UGT2A3: variants seen among roughly 807,000 people sequenced by gnomAD.
The protein encoded by UGT2A3 is UDP-glucuronosyltransferase 2A3.
Under a neutral mutation model 44.1 loss-of-function variants are expected in UGT2A3, and 55 were observed. The ratio of observed to expected loss-of-function variants is 1.25; its 90% CI spans 1.00 to 1.56. The LOEUF is 1.56. UGT2A3 is among the 40% of genes most tolerant of loss of function. UGT2A3 has a pLI of 0.00. For synonymous variants in UGT2A3, 243 were observed against 215.1 expected (o/e 1.13, Z -1.13); for missense variants, 733 against 621.6 (o/e 1.18, Z -1.91).
chr4:68,951,421 A>G lies in UGT2A3; in HGVS notation c.340T>C (p.Phe114Leu), dbSNP rs1718587411. The G allele has an allele frequency of 6.2e-7, 1 of 1,611,606 alleles. No homozygotes were observed. Among genetic ancestry groups the G allele is most frequent in the South Asian group, 1.1e-5 (1 of 90,904 alleles). Residue 114 changes from phenylalanine (F) to leucine (L), a missense_variant, in exon 1 of 6, where the codon TTT becomes CTT. Phe to Leu is a conservative substitution (Grantham distance 22). Coordinates refer to ENST00000251566, the MANE Select transcript of UGT2A3 (RefSeq NM_024743.4). ...WQSVIKLNDFFVEIRGTLKMM... is the reference protein window; with the variant it reads ...WQSVIKLNDFLVEIRGTLKMM... ...TTTAAAGTTCCTCTTATTTCAACAAAAAAATCATTTAATTTTATAACTGAT... is the reference window on the plus strand; with the variant it reads ...TTTAAAGTTCCTCTTATTTCAACAAGAAAATCATTTAATTTTATAACTGAT...
intron 1 of UGT2A3, among the ~76,000 whole-genome samples, chr4:68,945,869 T>C (rs72849630): frequency 0.027 from 4,078 of 151,792 alleles, 202 homozygotes; most frequent in African/African-American, 0.091. Flanking sequence ...TTGCAGATGA[T>C]AAATGAGTAC....
rs146402689 is a variant in UGT2A3 at position 68,949,025 on chromosome 4, G to C, written c.715+2021C>G. On this transcript the variant is annotated intron_variant, in intron 1 of 5. Coordinates refer to ENST00000251566, the MANE Select transcript of UGT2A3 (RefSeq NM_024743.4). ...CAAGAGAAAGAAGGTGGATGTTCCT[G>C]GCTCTTTTTAATAATTATCTCTCCT... is the stretch of plus-strand genomic sequence containing the variant. 5.9e-5 allele frequency among the ~76,000 whole-genome samples: 9 copies of C among 151,794 alleles called. No individual in the cohort carries two copies. In the East Asian group the frequency reaches 1.8e-3, roughly 30 times the overall value.
chr4:68,949,273 C>T (rs900053671), intron 1 of UGT2A3, among the ~76,000 whole-genome samples: 6 of 151,772 alleles, frequency 4.0e-5, no homozygotes, highest in Admixed American at 6.6e-5. Context: ...AATTGAGAGA[C>T]CTGCTACTTT....
rs1717663106 is a variant in UGT2A3, at chr4:68,929,969, T to TTG, written c.1427_1428insCA (p.Ala477LysfsTer14). The TTG allele has an allele frequency of 6.2e-7, 1 of 1,613,574 alleles. No homozygotes were observed. The highest frequency in any genetic ancestry group is 8.5e-7 in the Non-Finnish European group (1 of 1,179,700). ...GGAACCAGGTGAGGTCATGGGCAGC[T>TTG]GATCGCAGGTGCTTGGCTCCTTTGT... is the stretch of plus-strand genomic sequence containing the variant. On this transcript the variant is annotated frameshift_variant, in exon 6 of 6. Coordinates refer to ENST00000251566, the MANE Select transcript of UGT2A3 (RefSeq NM_024743.4). LOFTEE classifies it low-confidence loss of function (END_TRUNC).
At chr4:68,937,940 C>G (rs2109784583) in intron 2 of UGT2A3, among the ~76,000 whole-genome samples, 1 of 152,192 alleles carries the variant, frequency 6.6e-6, no homozygotes, top group Admixed American at 6.5e-5. Flanking sequence ...CACCTGTATG[C>G]AAATAAACTA....
intron 1 of UGT2A3, among the ~76,000 whole-genome samples, chr4:68,950,087 C>G (rs1264576980): frequency 6.6e-6 from 1 of 151,758 alleles, no homozygotes; most frequent in Non-Finnish European, 1.5e-5. Context: ...ATAGCTGTAC[C>G]CCTTTAAATT....
At position 68,936,329 on chromosome 4, in the gene UGT2A3, G is replaced by A. The variant is rs560552979; in HGVS notation, c.865-3570C>T. 3.0e-4 allele frequency among the ~76,000 whole-genome samples: 46 copies of A among 152,118 alleles called. 1 individual carries two copies. The highest frequency in any genetic ancestry group is 2.5e-3 in the Admixed American group (38 of 15,276). ...AGCCAGAGAGAAAGGTCAGGTTACC[G>A]ACAAAGGAAAGCCCATCAGACAAAC... On this transcript the variant is annotated intron_variant, in intron 2 of 5. Coordinates refer to ENST00000251566, the MANE Select transcript of UGT2A3 (RefSeq NM_024743.4).
intron 2 of UGT2A3, among the ~76,000 whole-genome samples, 159 bp from the exon 3 acceptor site, chr4:68,932,918 G>A (rs1323375883): frequency 6.6e-6 from 1 of 151,972 alleles, no homozygotes; most frequent in African/African-American, 2.4e-5. Flanking sequence ...TCTCTTTAAA[G>A]GACAGTCTAT....
chr4:68,941,886 C>T (rs183325823), intron 2 of UGT2A3, among the ~76,000 whole-genome samples: 22 of 151,904 alleles, frequency 1.4e-4, no homozygotes, highest in Non-Finnish European at 1.8e-4. Flanking sequence ...TTACAAAATG[C>T]TCAAAATCAC....
chr4:68,933,100 G>C (rs867830517), intron 2 of UGT2A3, among the ~76,000 whole-genome samples: 2 of 151,978 alleles, frequency 1.3e-5, no homozygotes. Flanking sequence ...ATTATTTGAG[G>C]ACTGACATCA....
At chr4:68,935,274 ATG>A (rs199912189) in intron 2 of UGT2A3, among the ~76,000 whole-genome samples, 250 of 19,936 alleles carry the variant, frequency 0.013, no homozygotes, top group East Asian at 0.069. Flanking sequence ...GTATGTATGT[ATG>A]TATATATATA....
chr4:68,946,358 C>T (rs892193639), intron 1 of UGT2A3, among the ~76,000 whole-genome samples: 2 of 151,564 alleles, frequency 1.3e-5, no homozygotes, highest in African/African-American at 4.8e-5. Context: ...AAGGTCATCA[C>T]ATTTTAATGT....
chr4:68,936,492 T>A (rs1410956066), intron 2 of UGT2A3, among the ~76,000 whole-genome samples: 4 of 152,036 alleles, frequency 2.6e-5, no homozygotes, highest in Admixed American at 2.6e-4. Context: ...AATGAAATCC[T>A]TTACAGACAA....
chr4:68,943,195 ATGAG>A (rs1380648992), intron 2 of UGT2A3: 2 of 471,894 alleles, frequency 4.2e-6, no homozygotes, highest in Admixed American at 1.0e-4. Context: ...GATTATTTCT[ATGAG>A]TGTGTGTTTG....
intron 2 of UGT2A3, among the ~76,000 whole-genome samples, chr4:68,940,092 T>G (rs1718130031): frequency 6.6e-6 from 1 of 152,184 alleles, no homozygotes; most frequent in African/African-American, 2.4e-5. Flanking sequence ...GTTTTTACAC[T>G]GTTGGTGGGA....
chr4:68,942,516 TA>T, intron 2 of UGT2A3, among the ~76,000 whole-genome samples: 1 of 11,970 alleles, frequency 8.4e-5, no homozygotes, highest in East Asian at 2.3e-3. Context: ...TATATATATA[TA>T]TATATATATA....
At chr4:68,945,865 A>G (rs1045254217) in intron 1 of UGT2A3, among the ~76,000 whole-genome samples, 2 of 151,692 alleles carry the variant, frequency 1.3e-5, no homozygotes, top group African/African-American at 4.8e-5. Context: ...TGAATTGCAG[A>G]TGATAAATGA....
chr4:68,944,014 T>C (rs181493539), intron 2 of UGT2A3, among the ~76,000 whole-genome samples: 1 of 151,980 alleles, frequency 6.6e-6, no homozygotes, highest in Admixed American at 6.6e-5. Context: ...TGAATGTGCT[T>C]TTCCCAGAGA....
chr4:68,931,899 C>G (rs889466213), intron 3 of UGT2A3, among the ~76,000 whole-genome samples: 2 of 151,888 alleles, frequency 1.3e-5, no homozygotes, highest in African/African-American at 4.8e-5. Flanking sequence ...ATGTTTCAAA[C>G]TACTTAACAG....
Sources: gnomAD v4.1 joint callset for allele counts (sites outside exome capture counted in the v4.1 genomes callset) on GRCh38, gnomAD v4.1.1 for gene constraint, MANE v1.5 for transcripts, NCBI Gene and HGNC (gene_info 2026-07-23, HGNC 2026-07-21) for gene names.